RASA3: variants seen among roughly 807,000 people sequenced by gnomAD.
RASA3 encodes RAS p21 protein activator 3, also known as ras GTPase-activating protein 3.
A neutral mutation model predicts 110.0 loss-of-function variants in RASA3; 73 were observed. The observed-to-expected ratio is 0.66, with a 90% CI of 0.55 to 0.81. RASA3 has a LOEUF of 0.81. RASA3 is among the 30% of genes least tolerant of loss of function. The pLI, the probability that RASA3 is intolerant of heterozygous loss-of-function variation, is 0.00. For synonymous variants in RASA3, 500 were observed against 451.4 expected (o/e 1.11, Z -1.37); for missense variants, 976 against 1,113.2 (o/e 0.88, Z 1.75).
chr13:114,073,982 G>A, intron 1 of RASA3, 145 bp from the exon 2 acceptor site: 2 of 727,140 alleles, frequency 2.8e-6, no homozygotes, highest in Non-Finnish European at 4.8e-6. Flanking sequence ...AAGTCAAAAT[G>A]TGGATGTGCA....
chr13:114,023,151 A>G (rs928719975), intron 8 of RASA3, among the ~76,000 whole-genome samples: 3 of 152,220 alleles, frequency 2.0e-5, no homozygotes, highest in Admixed American at 2.0e-4. Context: ...AGCCCCTGGG[A>G]GGGAGGGTGA....
In RASA3 at chr13:113,979,163, G is replaced by T; in HGVS notation, c.*184C>A. 3.3e-6 allele frequency: 2 copies of T among 607,834 alleles called. No homozygotes were observed. The highest frequency in any genetic ancestry group is 5.9e-6 in the Non-Finnish European group (2 of 341,858). 37.7% of individuals were successfully genotyped at this position (607,834 alleles called of 1,614,324 possible). On this transcript the variant is annotated 3_prime_UTR_variant, in exon 24 of 24. Coordinates refer to ENST00000334062, the MANE Select transcript of RASA3 (RefSeq NM_007368.4). ...TTCCACAGGGCCAGGTGGGCTTTCTGCGGAGGGCGTGGCGGTGGTGGCAGC... is the reference window on the plus strand; with the variant it reads ...TTCCACAGGGCCAGGTGGGCTTTCTTCGGAGGGCGTGGCGGTGGTGGCAGC...
At chr13:114,000,664 A>T in intron 19 of RASA3, among the ~76,000 whole-genome samples, 162 bp downstream of exon 19, 1 of 152,174 alleles carries the variant, frequency 6.6e-6, no homozygotes, top group African/African-American at 2.4e-5. Flanking sequence ...GGGATCTTTG[A>T]AGGGAGAACC....
intron 2 of RASA3, among the ~76,000 whole-genome samples, chr13:114,060,577 A>C (rs1356620650): frequency 6.6e-6 from 1 of 152,218 alleles, no homozygotes; most frequent in Non-Finnish European, 1.5e-5. Context: ...CCGGGAAGCC[A>C]GAGGGGCTCC....
At position 113,981,791 on chromosome 13, in the gene RASA3, G is replaced by T; in HGVS notation, c.2313C>A (p.Asp771Glu). 6.2e-7 allele frequency: 1 copy of T among 1,613,988 alleles called. No individual in the cohort carries two copies. ...GCGTCTTGTAGGTCTCCTGGGGGTC[G>T]TCAATGACGAACGTCGAATACTCCT... ...EQEEYSTFVI[D>E]DPQETYKTLK... The change falls in exon 23 of 24, where the codon GAC (aspartate) becomes GAA (glutamate). Residue 771 changes from aspartate (D) to glutamate (E), a missense_variant. Physicochemically the swap from Asp to Glu is conservative, Grantham distance 45. This residue lies in a region of RASA3 where 132 missense variants were observed against 152.8 expected (regional missense o/e 0.86). Coordinates refer to ENST00000334062, the MANE Select transcript of RASA3 (RefSeq NM_007368.4).
intron 15 of RASA3, among the ~76,000 whole-genome samples, chr13:114,012,193 G>A (rs541772593): frequency 6.6e-6 from 1 of 152,090 alleles, no homozygotes; most frequent in South Asian, 2.1e-4. Flanking sequence ...CTAAAACCCT[G>A]GACAAACCGT....
At chr13:114,010,841 C>T (rs1459529562) in intron 16 of RASA3, among the ~76,000 whole-genome samples, 1 of 53,568 alleles carries the variant, frequency 1.9e-5, no homozygotes, top group East Asian at 6.6e-4. Context: ...GCCTCCAGCA[C>T]CGCAACGCCC....
chr13:113,988,894 T>G (rs950571181), intron 22 of RASA3, among the ~76,000 whole-genome samples: 1 of 149,088 alleles, frequency 6.7e-6, no homozygotes, highest in African/African-American at 2.5e-5. Flanking sequence ...CACTCACCCA[T>G]CTGTCCATCC....
rs1022335416 is a variant in RASA3, at chr13:113,991,242, C to T, written c.2245+1243G>A. Among the ~76,000 whole-genome samples the T allele has an allele frequency of 2.4e-4, 35 of 147,594 alleles. 5 individuals carry two copies. The highest frequency in any genetic ancestry group is 1.8e-3 in the South Asian group (8 of 4,514). Reference sequence around the variant, plus strand: ...CCAAGCTCACAGATGGGCAGCTGCGCGGACACCCAGGGCGTGTGGGGCTGG... The same window carrying T: ...CCAAGCTCACAGATGGGCAGCTGCGTGGACACCCAGGGCGTGTGGGGCTGG... On this transcript the variant is annotated intron_variant, in intron 22 of 23. Coordinates refer to ENST00000334062, the MANE Select transcript of RASA3 (RefSeq NM_007368.4).
rs538990430 is a variant in RASA3 at position 114,100,321 on chromosome 13, G to A, written c.56-26484C>T. The stretch of plus-strand genomic sequence containing the variant: ...CGTCCTGGGGCACCCTCAGAGCTTC[G>A]GCCATGGGGTGCACAGCACCCTCCA... On this transcript the variant is annotated intron_variant, in intron 1 of 23. Transcript: ENST00000334062. 5.5e-4 allele frequency among the ~76,000 whole-genome samples: 84 copies of A among 152,184 alleles called. 1 individual carries two copies. The highest frequency in any genetic ancestry group is 1.7e-3 in the African/African-American group (72 of 41,544).
chr13:114,106,022 C>T (rs527481417), intron 1 of RASA3, among the ~76,000 whole-genome samples: 3 of 152,274 alleles, frequency 2.0e-5, no homozygotes, highest in Admixed American at 6.5e-5. Context: ...GGCAGGAAAT[C>T]GCAGGCACTG....
intron 11 of RASA3, 28 bp downstream of exon 11, chr13:114,018,076 T>C: frequency 6.7e-7 from 1 of 1,485,486 alleles, no homozygotes; most frequent in Non-Finnish European, 9.0e-7. Context: ...TCCAGGCCGC[T>C]CTCCCCCGGG....
At chr13:114,110,063 A>T (rs1417818142) in intron 1 of RASA3, among the ~76,000 whole-genome samples, 1 of 152,238 alleles carries the variant, frequency 6.6e-6, no homozygotes, top group Admixed American at 6.5e-5. Context: ...CCCATCACAG[A>T]AACCTGACCA....
intron 1 of RASA3, among the ~76,000 whole-genome samples, chr13:114,119,518 C>G (rs1426417679): frequency 2.4e-3 from 271 of 113,380 alleles, no homozygotes; most frequent in African/African-American, 8.2e-3. Flanking sequence ...TCGATCAGTG[C>G]CCCCCTCCCC....
chr13:113,984,438 TCCATCTGTCCATCCACCCATCACTCAC>T (rs1566441976), intron 22 of RASA3, among the ~76,000 whole-genome samples: 1 of 42,132 alleles, frequency 2.4e-5, no homozygotes, highest in Non-Finnish European at 5.1e-5. Context: ...TCAACACTCA[TCCATCTGTCCATCCACCCATCACTCAC>T]CCATCCGTCC....
chr13:113,997,636 T>C (rs1004854656), intron 20 of RASA3, among the ~76,000 whole-genome samples: 19 of 151,980 alleles, frequency 1.3e-4, no homozygotes, highest in Non-Finnish European at 2.4e-4. Flanking sequence ...ACAGATATCC[T>C]AGGATTGGAG....
At position 114,052,019 on chromosome 13, in the gene RASA3, A is replaced by G. The variant is rs766376065; in HGVS notation, c.277+33T>C. The G allele has an allele frequency of 2.7e-6, 4 of 1,504,724 alleles. No homozygotes were observed. In the South Asian group the frequency reaches 4.5e-5, roughly 17 times the overall value. The allele number at this position is 1,504,724 out of a possible 1,614,324, so 93.2% of individuals were successfully genotyped here. ...TACTCGCCTGGTACAGAACAGGCAG[A>G]AAAGGGGAAGTAAATGCTCATTCAT... On this transcript the variant is annotated intron_variant, in intron 3 of 23. Coordinates refer to ENST00000334062, the MANE Select transcript of RASA3 (RefSeq NM_007368.4).
intron 4 of RASA3, among the ~76,000 whole-genome samples, chr13:114,030,311 C>T (rs890481950): frequency 2.6e-5 from 4 of 152,224 alleles, no homozygotes; most frequent in Admixed American, 1.3e-4. Context: ...TCCCCTCGGG[C>T]GAGGCCGGAT....
chr13:114,015,796 GA>G (rs2053777564), intron 13 of RASA3, among the ~76,000 whole-genome samples: 1 of 152,144 alleles, frequency 6.6e-6, no homozygotes, highest in South Asian at 2.1e-4. Flanking sequence ...CCTGTCCTAG[GA>G]AAAGGGAGGG....
Sources: allele counts gnomAD v4.1 joint callset (sites outside exome capture counted in the v4.1 genomes callset), GRCh38; gene constraint gnomAD v4.1.1; regional missense constraint gnomAD v4.1.1; transcripts MANE v1.5; gene names NCBI Gene and HGNC (gene_info 2026-07-23, HGNC 2026-07-21).